POLR2F: variants seen among roughly 807,000 people sequenced by gnomAD.
POLR2F encodes DNA-directed RNA polymerases I, II, and III subunit RPABC2.
In POLR2F, 12 loss-of-function variants were observed where a neutral mutation model predicts 22.7. The ratio of observed to expected loss-of-function variants is 0.53; its 90% CI spans 0.34 to 0.86. The LOEUF (loss-of-function observed/expected upper bound fraction) is 0.86. Among genes scored for constraint, POLR2F ranks in the 40% least tolerant of loss-of-function variants. The probability of loss-of-function intolerance (pLI) is 0.02; values close to 1 mark genes in which losing one functional copy is unlikely to be tolerated. For missense variants in POLR2F, 126 were observed against 171.5 expected (o/e 0.73, Z 1.48); for synonymous variants, 57 against 66.0 (o/e 0.86, Z 0.66).
At chr22:37,985,265 A>G (rs1051013513), upstream of POLR2F, 11 of 152,108 alleles carry the variant, frequency 7.2e-5, no homozygotes, top group African/African-American at 2.4e-4. Context: ...TCTTAGAGGC[A>G]TTTTGGGTTG....
intron 4 of POLR2F, among the ~76,000 whole-genome samples, chr22:37,976,803 A>G (rs1382686669): frequency 2.0e-5 from 3 of 152,208 alleles, no homozygotes; most frequent in Non-Finnish European, 2.9e-5. Context: ...TAGCTGCTCA[A>G]TTAAGGTTAG....
intron 2 of POLR2F, chr22:38,026,242 A>G (rs1389690465): frequency 3.8e-6 from 2 of 533,016 alleles, no homozygotes; most frequent in Non-Finnish European, 7.7e-6. Context: ...TGAGCAGAAC[A>G]CTCAATTTCC....
At chr22:38,018,455 T>C (rs937176880) in intron 1 of POLR2F, among the ~76,000 whole-genome samples, 8 of 152,058 alleles carry the variant, frequency 5.3e-5, no homozygotes, top group Non-Finnish European at 1.0e-4. Context: ...TCATTTTAGA[T>C]TTAGAATCGA....
In POLR2F at chr22:38,017,769, G is replaced by C. The variant is rs1042864447; in HGVS notation, c.121-8100G>C. Among the ~76,000 whole-genome samples, 1 of 152,174 alleles carries C rather than the reference G, an allele frequency of 6.6e-6. No homozygotes were observed. Among genetic ancestry groups the C allele is most frequent in the Non-Finnish European group, 1.5e-5 (1 of 68,018 alleles). ...TGACATGGAGCTCACTCCTCACATG[G>C]CTTGCTCTGTCCTTGCCCAGCCCAG... On this transcript the variant is annotated intron_variant, in intron 1 of 2. Coordinates refer to the POLR2F transcript ENST00000333418. This position sits in a 1 kb window ranked among gnomAD's most constrained non-coding sequence, Gnocchi z 4.1.
At chr22:38,023,594 C>A (rs1414438924) in intron 1 of POLR2F, among the ~76,000 whole-genome samples, 1 of 152,128 alleles carries the variant, frequency 6.6e-6, no homozygotes, top group African/African-American at 2.4e-5. Flanking sequence ...TCTTCCCGAA[C>A]TGAAACTGTA....
downstream of POLR2F, chr22:37,970,958 C>A: frequency 3.7e-6 from 1 of 271,258 alleles, no homozygotes; most frequent in South Asian, 3.6e-5. Context: ...TTCACGGGAA[C>A]CAGCAGTTTT....
chr22:38,012,082 C>CT (rs1235369974), intron 1 of POLR2F, among the ~76,000 whole-genome samples: 2,527 of 138,458 alleles, frequency 0.018, 57 homozygotes, highest in African/African-American at 0.05. Flanking sequence ...TATTTTTATA[C>CT]TTTTTTTTTT....
intron 3 of POLR2F, 125 bp downstream of exon 3, chr22:37,959,601 C>A: frequency 9.4e-7 from 1 of 1,067,506 alleles, no homozygotes; most frequent in Non-Finnish European, 1.4e-6. Flanking sequence ...AAAGTGGTGC[C>A]GTCCCTGCGT....
chr22:38,013,110 CTTCCTTCCCTTCCTTCCCTTCCTTTCT>C (rs1472852904), intron 1 of POLR2F, among the ~76,000 whole-genome samples: 3 of 150,236 alleles, frequency 2.0e-5, no homozygotes, highest in Non-Finnish European at 3.0e-5. Flanking sequence ...CCTTCCTTCC[CTTCCTTCCCTTCCTTCCCTTCCTTTCT>C]TTTCTTTCTT....
In POLR2F at chr22:37,954,518, G is replaced by T. The variant is rs1346087862; in HGVS notation, c.20+711G>T. On this transcript the variant is annotated intron_variant, in intron 1 of 4. Transcript: ENST00000442738. ...GGGTTTCACCATGTTGGCCAGACTG[G>T]CCTCGAACTCCTGAGCTTGTGATCC... Among the ~76,000 whole-genome samples, 3 of 152,092 alleles carry T rather than the reference G, an allele frequency of 2.0e-5. No homozygotes were observed. The East Asian group carries it at 5.8e-4, about 29-fold the overall frequency.
intron 1 of POLR2F, among the ~76,000 whole-genome samples, chr22:38,019,615 G>C (rs1318278090): frequency 1.3e-5 from 2 of 152,356 alleles, no homozygotes; most frequent in Middle Eastern, 3.4e-3. Context: ...GGCGGACATG[G>C]TGGGGGGGCA....
chr22:38,010,292 T>C (rs1300608726), intron 1 of POLR2F, among the ~76,000 whole-genome samples: 1 of 151,916 alleles, frequency 6.6e-6, no homozygotes, highest in Admixed American at 6.6e-5. Flanking sequence ...GGAGGATTGA[T>C]TGAACGCAGG....
chr22:38,014,816 T>A (rs1018962653), intron 1 of POLR2F, among the ~76,000 whole-genome samples: 1 of 146,270 alleles, frequency 6.8e-6, no homozygotes, highest in Admixed American at 6.8e-5. Context: ...ATTTTTTTTT[T>A]TTTTTTTTTG....
chr22:37,987,634 A>G, intron 1 of POLR2F: 1 of 295,448 alleles, frequency 3.4e-6, no homozygotes, highest in South Asian at 3.2e-5. Context: ...TGGTCTGGTC[A>G]AGTTGAGGCT....
At chr22:38,027,940 C>T (rs973239797), downstream of POLR2F, among the ~76,000 whole-genome samples, 2 of 152,142 alleles carry the variant, frequency 1.3e-5, no homozygotes, top group South Asian at 2.1e-4. Flanking sequence ...CGCTGTTACC[C>T]GCCACTGTAT....
rs562577358 is a variant in POLR2F, at chr22:38,037,018, T to C, written c.453-4050T>C. 1.2e-4 allele frequency among the ~76,000 whole-genome samples: 18 copies of C among 152,322 alleles called. No homozygotes were observed. The East Asian group carries it at 3.3e-3, about 28-fold the overall frequency. ...CACCCCTCCCATCTCTCTTCACGTTTACCCTGCTTTGTTTTTTATTCTGGA... is the reference window on the plus strand; with the variant it reads ...CACCCCTCCCATCTCTCTTCACGTTCACCCTGCTTTGTTTTTTATTCTGGA... On this transcript the variant is annotated intron_variant, in intron 5 of 5. Coordinates refer to the POLR2F transcript ENST00000407936.
chr22:38,016,076 A>G lies in POLR2F; in HGVS notation c.121-9793A>G, dbSNP rs1441374521. Among the ~76,000 whole-genome samples, 3 of 152,010 alleles carry G rather than the reference A, an allele frequency of 2.0e-5. No individual in the cohort carries two copies. Among genetic ancestry groups the G allele is most frequent in the Non-Finnish European group, 4.4e-5 (3 of 67,996 alleles). ...CAGGCCCACTGCCCTAGGCTCCTAC[A>G]TACTCATCCTCTATGTTCCCTTCAC... On this transcript the variant is annotated intron_variant, in intron 1 of 2. Coordinates refer to the POLR2F transcript ENST00000333418. The surrounding 1 kb of genome is among the most constrained non-coding windows in gnomAD (Gnocchi z 4.4).
chr22:38,004,968 A>G (rs931671636), intron 1 of POLR2F, among the ~76,000 whole-genome samples: 3 of 152,170 alleles, frequency 2.0e-5, no homozygotes, highest in South Asian at 2.1e-4. Context: ...AAACAAAACT[A>G]TGTGATACAT....
downstream of POLR2F, among the ~76,000 whole-genome samples, chr22:37,969,519 C>A (rs948519317): frequency 6.6e-6 from 1 of 152,170 alleles, no homozygotes; most frequent in African/African-American, 2.4e-5. Flanking sequence ...ATTTCCCACT[C>A]ACTCTCATGA....
Sources: allele counts gnomAD v4.1 joint callset (sites outside exome capture counted in the v4.1 genomes callset), GRCh38; gene constraint gnomAD v4.1.1; non-coding constraint Gnocchi (gnomAD v3.1); transcripts MANE v1.5; gene names NCBI Gene and HGNC (gene_info 2026-07-23, HGNC 2026-07-21).